DIP2C: variants seen among roughly 807,000 people sequenced by gnomAD.
The protein encoded by DIP2C is disco-interacting protein 2 homolog C.
A neutral mutation model predicts 192.4 loss-of-function variants in DIP2C; 33 were observed. The observed-to-expected ratio is 0.17, with a 90% CI of 0.13 to 0.23. The LOEUF (loss-of-function observed/expected upper bound fraction) is 0.23, where lower values mean the gene tolerates loss of function less well. DIP2C is among the 10% of genes least tolerant of loss of function. The pLI is 1.00. For missense variants in DIP2C, 1,537 were observed against 2,110.1 expected, an observed-to-expected ratio of 0.73 and a Z score of 5.32; for synonymous variants, 979 against 864.1, an observed-to-expected ratio of 1.13 and a Z score of -2.33.
intron 1 of DIP2C, among the ~76,000 whole-genome samples, chr10:574,499 C>A (rs944669160): frequency 2.6e-5 from 4 of 152,212 alleles, no homozygotes; most frequent in African/African-American, 9.7e-5. Flanking sequence ...TGGCCCAAGC[C>A]CAGCTAAATG....
chr10:498,449 T>TG (rs1845008004), intron 1 of DIP2C, among the ~76,000 whole-genome samples: 1 of 152,122 alleles, frequency 6.6e-6, no homozygotes, highest in Non-Finnish European at 1.5e-5. Flanking sequence ...CAGGCGCCAG[T>TG]GGAGATGCTT....
chr10:569,989 C>G (rs1849684775), intron 1 of DIP2C, among the ~76,000 whole-genome samples: 1 of 152,218 alleles, frequency 6.6e-6, no homozygotes, highest in South Asian at 2.1e-4. Context: ...AGGGTCCTAT[C>G]AGCTCACCCC....
At chr10:278,449 T>G (rs551086961) in intron 36 of DIP2C, among the ~76,000 whole-genome samples, 14 of 149,628 alleles carry the variant, frequency 9.4e-5, no homozygotes, top group Non-Finnish European at 2.1e-4. Flanking sequence ...ATTGCAAGGA[T>G]GGGGACACAC....
chr10:532,634 AG>A (rs1847453319), intron 1 of DIP2C, among the ~76,000 whole-genome samples: 1 of 99,216 alleles, frequency 1.0e-5, no homozygotes, highest in Non-Finnish European at 1.9e-5. Context: ...TATGGGTGTG[AG>A]AGAGAGTATG....
At chr10:511,518 C>A (rs1846010327) in intron 1 of DIP2C, among the ~76,000 whole-genome samples, 1 of 152,220 alleles carries the variant, frequency 6.6e-6, no homozygotes, top group South Asian at 2.1e-4. Context: ...GAAAAAAGAA[C>A]ATAGCATTTA....
At chr10:424,798 T>C (rs1309819914) in intron 4 of DIP2C, among the ~76,000 whole-genome samples, 1 of 152,204 alleles carries the variant, frequency 6.6e-6, no homozygotes, top group Non-Finnish European at 1.5e-5. Flanking sequence ...TTCTCACAAC[T>C]CTTTACAATC....
chr10:521,248 G>A (rs1015632954), intron 1 of DIP2C, among the ~76,000 whole-genome samples: 1 of 152,118 alleles, frequency 6.6e-6, no homozygotes. Context: ...ATCCCACCAA[G>A]CAGCAAACAA....
chr10:314,696 C>T lies in DIP2C; in HGVS notation c.3925-4604G>A, dbSNP rs149281296. 3.0e-3 allele frequency among the ~76,000 whole-genome samples: 464 copies of T among 152,332 alleles called. 2 individuals carry two copies. Among genetic ancestry groups the T allele is most frequent in the Non-Finnish European group, 4.8e-3 (327 of 68,036 alleles). ...CTGTGAAATACCTTAGACTAGGTAA[C>T]GGCTACTCACAGCTCTGGAGTCTAG... On this transcript the variant is annotated intron_variant, in intron 31 of 36. Coordinates refer to ENST00000280886, the MANE Select transcript of DIP2C (RefSeq NM_014974.3).
chr10:621,087 G>A (rs1294042114), intron 1 of DIP2C, among the ~76,000 whole-genome samples: 1 of 152,186 alleles, frequency 6.6e-6, no homozygotes, highest in African/African-American at 2.4e-5. Flanking sequence ...AGACACTTGA[G>A]TGCAGTCTTC....
intron 17 of DIP2C, among the ~76,000 whole-genome samples, chr10:371,286 G>A (rs1490190509): frequency 4.6e-5 from 7 of 152,122 alleles, no homozygotes; most frequent in South Asian, 4.1e-4. Flanking sequence ...GGGTTGAATC[G>A]TGTCCCCGCA....
intron 22 of DIP2C, among the ~76,000 whole-genome samples, chr10:360,114 G>A (rs1438896019): frequency 3.3e-5 from 5 of 152,156 alleles, no homozygotes; most frequent in East Asian, 1.9e-4. Context: ...TTTTGTGCCC[G>A]TTTGCTACAT....
chr10:530,308 T>G (rs12240790), intron 1 of DIP2C, among the ~76,000 whole-genome samples: 1 of 152,074 alleles, frequency 6.6e-6, no homozygotes, highest in East Asian at 1.9e-4. Context: ...TCTGGACTCC[T>G]GGGGACAAAC....
rs544638217 is a variant in DIP2C, at chr10:492,568, G to A, written c.86-6038C>T. On this transcript the variant is annotated intron_variant, in intron 1 of 36. Transcript: ENST00000280886. ...TATTTATTGTTATTTAGTGCCTAGC[G>A]CCCCGCACTCTGGGCGACAGAGCAA... Among the ~76,000 whole-genome samples the A allele has an allele frequency of 4.2e-4, 64 of 152,224 alleles. 2 individuals carry two copies. Among genetic ancestry groups the A allele is most frequent in the Middle Eastern group, 3.4e-3 (1 of 294 alleles).
intron 1 of DIP2C, among the ~76,000 whole-genome samples, chr10:626,480 C>A (rs1854211181): frequency 6.6e-6 from 1 of 152,002 alleles, no homozygotes. Flanking sequence ...TCCCCCGTCC[C>A]CGGGGTTACC....
chr10:592,022 A>C (rs1432551562), intron 1 of DIP2C, among the ~76,000 whole-genome samples: 1 of 152,258 alleles, frequency 6.6e-6, no homozygotes, highest in Non-Finnish European at 1.5e-5. Context: ...TTTCAAGCGA[A>C]GAAAACAGTG....
intron 1 of DIP2C, among the ~76,000 whole-genome samples, chr10:622,152 T>A (rs1225366488): frequency 6.6e-6 from 1 of 150,764 alleles, no homozygotes; most frequent in East Asian, 2.0e-4. Flanking sequence ...AGGCACCTGC[T>A]GGGGCTGCCA....
intron 17 of DIP2C, among the ~76,000 whole-genome samples, chr10:378,662 T>C (rs376047945): frequency 2.0e-5 from 3 of 150,358 alleles, no homozygotes; most frequent in Admixed American, 1.3e-4. Flanking sequence ...CATGAACAGA[T>C]ATGCCTAGGC....
In DIP2C at chr10:570,681, G is replaced by A. The variant is rs17159682; in HGVS notation, c.86-84151C>T. Among the ~76,000 whole-genome samples the A allele has an allele frequency of 5.1e-4, 77 of 152,306 alleles. 1 individual carries two copies. The East Asian group carries it at 0.011, about 22-fold the overall frequency. On this transcript the variant is annotated intron_variant, in intron 1 of 36. Coordinates refer to ENST00000280886, the MANE Select transcript of DIP2C (RefSeq NM_014974.3). ...CACACAAATTCTCACGTATTCCTGT[G>A]TAGCACCATCCAACTGATTAAAGTC... is the stretch of plus-strand genomic sequence containing the variant.
chr10:356,329 A>T, intron 24 of DIP2C, 97 bp downstream of exon 24: 1 of 1,356,370 alleles, frequency 7.4e-7, no homozygotes, highest in Non-Finnish European at 1.0e-6. Flanking sequence ...CATAAGACTG[A>T]AGCAAAAGGA....
Sources: gnomAD v4.1 joint callset for allele counts (sites outside exome capture counted in the v4.1 genomes callset) on GRCh38, gnomAD v4.1.1 for gene constraint, MANE v1.5 for transcripts, NCBI Gene and HGNC (gene_info 2026-07-23, HGNC 2026-07-21) for gene names.